KCNG3: variants seen among roughly 807,000 people sequenced by gnomAD.
The protein encoded by KCNG3 is potassium voltage-gated channel modifier subfamily G member 3.
In KCNG3, 15 loss-of-function variants were observed where a neutral mutation model predicts 29.0. The observed-to-expected ratio is 0.52, with a 90% CI of 0.35 to 0.80. The LOEUF (loss-of-function observed/expected upper bound fraction) is 0.80, where lower values mean the gene tolerates loss of function less well. Ranked by LOEUF, KCNG3 falls within the 30% of genes least tolerant of loss-of-function variation. KCNG3 has a pLI of 0.01. For synonymous variants in KCNG3, 322 were observed against 248.9 expected, an observed-to-expected ratio of 1.29 and a Z score of -2.76; for missense variants, 512 against 605.7, an observed-to-expected ratio of 0.85 and a Z score of 1.62.
chr2:42,476,287 C>G (rs1039588889), intron 1 of KCNG3, among the ~76,000 whole-genome samples: 10 of 151,412 alleles, frequency 6.6e-5, no homozygotes, highest in Admixed American at 2.6e-4. Context: ...GCCTGGGCAA[C>G]ATAGAGAAAC....
chr2:42,414,422 A>G, the KCNG3 span, among the ~76,000 whole-genome samples: 25 of 152,342 alleles, frequency 1.6e-4, 1 homozygote, highest in South Asian at 5.2e-3. Context: ...GCTAAAAATA[A>G]GCATACTGTT....
At chr2:42,480,488 T>C (rs895025848) in intron 1 of KCNG3, among the ~76,000 whole-genome samples, 3 of 152,144 alleles carry the variant, frequency 2.0e-5, no homozygotes, top group Admixed American at 6.5e-5. Flanking sequence ...ACAGTTTCTA[T>C]TGCAACTACC....
downstream of KCNG3, among the ~76,000 whole-genome samples, chr2:42,441,803 T>TATATAAA (rs1412944425): frequency 6.6e-6 from 1 of 150,808 alleles, no homozygotes; most frequent in Non-Finnish European, 1.5e-5. Flanking sequence ...GGTGTGTGTG[T>TATATAAA]ATATATATAC....
Position 42,492,952 on chromosome 2 carries a change from A to C in KCNG3, c.550T>G (p.Ser184Ala). The change falls in exon 1 of 2, where the codon TCC (serine) becomes GCC (alanine). Residue 184 changes from serine (S) to alanine (A), a missense_variant. Ser to Ala is a moderately conservative substitution (Grantham distance 99). Around this residue, in one of 5 missense-constraint regions of KCNG3, gnomAD observed 228 missense variants for 200.0 expected, o/e 1.14. Coordinates refer to ENST00000306078, the MANE Select transcript of KCNG3 (RefSeq NM_133329.6). The stretch of plus-strand genomic sequence containing the variant: ...GTGCTGGCGCACAGCACCACCATGG[A>C]CACGATCACGAACACCACCGACACG... The part of the protein sequence containing the change: ...ASVSVVFVIV[S>A]MVVLCASTLP... 6.3e-7 allele frequency: 1 copy of C among 1,586,694 alleles called. No individual in the cohort carries two copies. Among genetic ancestry groups the C allele is most frequent in the Non-Finnish European group, 8.5e-7 (1 of 1,170,130 alleles).
At chr2:42,459,635 G>C (rs1672966634) in intron 1 of KCNG3, among the ~76,000 whole-genome samples, 1 of 152,200 alleles carries the variant, frequency 6.6e-6, no homozygotes, top group South Asian at 2.1e-4. Flanking sequence ...CAGAGCCACA[G>C]AGAGGTGCAT....
chr2:42,428,977 G>A, the KCNG3 span, among the ~76,000 whole-genome samples: 1 of 152,060 alleles, frequency 6.6e-6, no homozygotes, highest in African/African-American at 2.4e-5. Context: ...AAATCAACCA[G>A]GTGTAGTGGT....
intron 1 of KCNG3, among the ~76,000 whole-genome samples, chr2:42,458,234 C>T (rs1019307121): frequency 6.6e-6 from 1 of 152,198 alleles, no homozygotes; most frequent in Non-Finnish European, 1.5e-5. Flanking sequence ...GGGCTCCTCC[C>T]ACAGTTTTTA....
In KCNG3 at chr2:42,467,141, C is replaced by A. The variant is rs576588201; in HGVS notation, c.666-22562G>T. Reference sequence around the variant, plus strand: ...AATTTAGGTGAAATGGACAATTTCCCAGAAAAATGAATCAGACCAAAATTT... The same window carrying A: ...AATTTAGGTGAAATGGACAATTTCCAAGAAAAATGAATCAGACCAAAATTT... On this transcript the variant is annotated intron_variant, in intron 1 of 1. Coordinates refer to ENST00000306078, the MANE Select transcript of KCNG3 (RefSeq NM_133329.6). 5.7e-4 allele frequency among the ~76,000 whole-genome samples: 87 copies of A among 152,088 alleles called. 1 individual carries two copies. In the South Asian group the frequency reaches 6.9e-3, roughly 12 times the overall value.
chr2:42,426,018 C>A, the KCNG3 span, among the ~76,000 whole-genome samples: 7 of 152,182 alleles, frequency 4.6e-5, no homozygotes, highest in African/African-American at 1.7e-4. Flanking sequence ...TTCAAATGTT[C>A]AAGCTGTAGA....
chr2:42,415,867 C>G, the KCNG3 span, among the ~76,000 whole-genome samples: 1 of 152,150 alleles, frequency 6.6e-6, no homozygotes, highest in African/African-American at 2.4e-5. Context: ...TGATCTTACT[C>G]ATATGTGGAA....
chr2:42,424,276 G>A, the KCNG3 span, among the ~76,000 whole-genome samples: 288 of 152,066 alleles, frequency 1.9e-3, 1 homozygote, highest in African/African-American at 6.5e-3. Flanking sequence ...TTCACAGCCT[G>A]AACACAAAAA....
intron 1 of KCNG3, among the ~76,000 whole-genome samples, chr2:42,475,321 CTCT>C (rs1441340621): frequency 2.6e-5 from 3 of 117,402 alleles, no homozygotes; most frequent in Non-Finnish European, 5.1e-5. Flanking sequence ...AAGCCTCTGT[CTCT>C]TTTTTTTTTT....
At chr2:42,425,531 TAGG>T in the KCNG3 span, among the ~76,000 whole-genome samples, 1 of 151,820 alleles carries the variant, frequency 6.6e-6, no homozygotes, top group South Asian at 2.1e-4. Context: ...GTCTTTTTAC[TAGG>T]AGAACTGAAA....
the KCNG3 span, among the ~76,000 whole-genome samples, chr2:42,398,114 T>G: frequency 2.0e-5 from 3 of 151,890 alleles, no homozygotes; most frequent in African/African-American, 4.8e-5. Context: ...TTCCAGCTAC[T>G]CGGAAGGCTG....
chr2:42,460,359 T>C (rs1189024908), intron 1 of KCNG3, among the ~76,000 whole-genome samples: 3 of 151,924 alleles, frequency 2.0e-5, no homozygotes, highest in Non-Finnish European at 4.4e-5. Context: ...TAAATATAAA[T>C]CAATTAACTA....
intron 1 of KCNG3, among the ~76,000 whole-genome samples, chr2:42,470,996 G>A (rs1450429541): frequency 1.3e-5 from 2 of 151,972 alleles, no homozygotes; most frequent in East Asian, 1.9e-4. Context: ...TACAAAAAAT[G>A]TTTAAATTAG....
At chr2:42,487,014 G>A (rs144209649) in intron 1 of KCNG3, among the ~76,000 whole-genome samples, 11 of 151,774 alleles carry the variant, frequency 7.2e-5, no homozygotes, top group African/African-American at 1.2e-4. Flanking sequence ...AAAATTAGCC[G>A]GGCATGGTGG....
chr2:42,404,592 C>T, the KCNG3 span, among the ~76,000 whole-genome samples: 4 of 151,940 alleles, frequency 2.6e-5, no homozygotes, highest in South Asian at 2.1e-4. Context: ...AGCCGGGCGT[C>T]GTGGCACACA....
At chr2:42,480,937 C>T (rs1258697495) in intron 1 of KCNG3, among the ~76,000 whole-genome samples, 5 of 152,148 alleles carry the variant, frequency 3.3e-5, no homozygotes, top group Middle Eastern at 6.8e-3. Context: ...TGCACCATCA[C>T]ACCTGGCTAA....
Sources: gnomAD v4.1 joint callset for allele counts (sites outside exome capture counted in the v4.1 genomes callset) on GRCh38, gnomAD v4.1.1 for gene constraint, gnomAD v4.1.1 regional missense constraint, MANE v1.5 for transcripts, NCBI Gene and HGNC (gene_info 2026-07-23, HGNC 2026-07-21) for gene names.